COL27A1: variants seen among roughly 807,000 people sequenced by gnomAD.
COL27A1 encodes collagen alpha-1(XXVII) chain.
Under a neutral mutation model 251.3 loss-of-function variants are expected in COL27A1, and 106 were observed. The observed-to-expected ratio is 0.42, with a 90% CI of 0.36 to 0.50. The LOEUF (loss-of-function observed/expected upper bound fraction) is 0.50. Ranked by LOEUF, COL27A1 falls within the 20% of genes least tolerant of loss-of-function variation. The pLI is 0.00. For synonymous variants in COL27A1, 1,000 were observed against 986.3 expected (o/e 1.01, Z -0.26); for missense variants, 2,325 against 2,522.8 (o/e 0.92, Z 1.68).
intron 41 of COL27A1, among the ~76,000 whole-genome samples, chr9:114,287,437 G>A (rs963727123): frequency 9.2e-5 from 14 of 152,142 alleles, no homozygotes; most frequent in Admixed American, 5.9e-4. Flanking sequence ...GTCTACACCT[G>A]TCCTGTGGGT....
At chr9:114,186,148 C>T (rs548789482) in intron 5 of COL27A1, among the ~76,000 whole-genome samples, 10 of 152,362 alleles carry the variant, frequency 6.6e-5, no homozygotes, top group Non-Finnish European at 2.9e-5. Context: ...ACCCCATCTT[C>T]CTCCTCCAGA....
chr9:114,209,488 C>A (rs1374604579), intron 10 of COL27A1, 187 bp from the exon 11 acceptor site: 2 of 778,796 alleles, frequency 2.6e-6, no homozygotes, highest in South Asian at 2.7e-5. Flanking sequence ...CAGCACCATG[C>A]AGTCCATGGG....
At chr9:114,265,579 G>T (rs978180017) in intron 32 of COL27A1, 104 bp downstream of exon 32, 42 of 1,154,754 alleles carry the variant, frequency 3.6e-5, no homozygotes, top group East Asian at 2.0e-4. Flanking sequence ...ACCATGCCTG[G>T]CCTCTAACCC....
intron 4 of COL27A1, 145 bp downstream of exon 4, chr9:114,178,489 G>A (rs1827645372): frequency 2.7e-6 from 2 of 741,242 alleles, no homozygotes; most frequent in South Asian, 3.3e-5. Flanking sequence ...TCCATTTGGA[G>A]TGGACTTAGG....
At chr9:114,296,866 C>T (rs1384160754) in intron 49 of COL27A1, among the ~76,000 whole-genome samples, 1 of 152,110 alleles carries the variant, frequency 6.6e-6, no homozygotes, top group Non-Finnish European at 1.5e-5. Flanking sequence ...TACAATTCAT[C>T]AGTAAATGGA....
chr9:114,265,502 G>A (rs752143233), intron 32 of COL27A1, 27 bp downstream of exon 32: 1 of 1,611,128 alleles, frequency 6.2e-7, no homozygotes, highest in East Asian at 2.2e-5. Context: ...TCCCTCTTCT[G>A]CTTCTTTGCC....
At chr9:114,183,396 G>C (rs1355528904) in intron 5 of COL27A1, among the ~76,000 whole-genome samples, 2 of 152,230 alleles carry the variant, frequency 1.3e-5, no homozygotes, top group African/African-American at 4.8e-5. Context: ...AGGCTTACCG[G>C]GTTGTAAGAT....
intron 5 of COL27A1, among the ~76,000 whole-genome samples, chr9:114,188,762 G>A (rs1462015732): frequency 1.3e-5 from 2 of 152,150 alleles, no homozygotes; most frequent in Non-Finnish European, 2.9e-5. Context: ...GCTGCTGCTA[G>A]CATTAAAGGA....
chr9:114,264,362 G>A lies in COL27A1; in HGVS notation c.3203G>A (p.Arg1068Gln), dbSNP rs201952625. 11 of 1,596,326 alleles carry A rather than the reference G, an allele frequency of 6.9e-6. No individual in the cohort carries two copies. The highest frequency in any genetic ancestry group is 4.0e-5 in the African/African-American group (3 of 74,722). Reference sequence around the variant, plus strand: ...CCCTTTTTCCTATTCCAGGGCCCCCGAGGACCGGACGGACCAGCTGGGGAG... The same window carrying A: ...CCCTTTTTCCTATTCCAGGGCCCCCAAGGACCGGACGGACCAGCTGGGGAG... ...MRGAKGRRGP[R>Q]GPDGPAGEQG... Residue 1068 changes from arginine to glutamine, a missense_variant, in exon 29 of 61, where the codon CGA becomes CAA. Around this residue, in one of 4 missense-constraint regions of COL27A1, gnomAD observed 662 missense variants for 795.3 expected, o/e 0.83. Coordinates refer to ENST00000356083, the MANE Select transcript of COL27A1 (RefSeq NM_032888.4).
chr9:114,205,026 G>A lies in COL27A1; in HGVS notation c.2125-76G>A, dbSNP rs546415121. The A allele has an allele frequency of 9.8e-6, 14 of 1,432,768 alleles. No homozygotes were observed. In the East Asian group the frequency reaches 1.1e-4, roughly 12 times the overall value. 88.8% of individuals were successfully genotyped at this position (1,432,768 alleles called of 1,614,324 possible). On this transcript the variant is annotated intron_variant, in intron 7 of 60. Transcript: ENST00000356083. ...CATACGGTGCTGAACAGGGCAGGCCGGGAGGCTGGGCCCTTGCGATCTCCA... is the reference window on the plus strand; with the variant it reads ...CATACGGTGCTGAACAGGGCAGGCCAGGAGGCTGGGCCCTTGCGATCTCCA...
chr9:114,292,137 CT>C lies in COL27A1; in HGVS notation c.4512del (p.Gly1505AlafsTer62). 6.4e-7 allele frequency: 1 copy of C among 1,561,182 alleles called. No individual in the cohort carries two copies. Among genetic ancestry groups the C allele is most frequent in the Non-Finnish European group, 8.7e-7 (1 of 1,152,386 alleles). On this transcript the variant is annotated frameshift_variant, in exon 49 of 61. Coordinates refer to ENST00000356083, the MANE Select transcript of COL27A1 (RefSeq NM_032888.4). LOFTEE classifies it high-confidence loss of function. ...ESGLPGQLGPPGKRGTEGRTG... is the reference protein window; with the variant it reads ...ESGLPGQLGPXGKRGTEGRTG... The stretch of plus-strand genomic sequence containing the variant: ...GGGTTACCCGGACAGCTGGGTCCCC[CT>C]GGCAAGCGAGGAACAGAGGGCAGAA...
chr9:114,267,867 A>G (rs551530054), intron 34 of COL27A1, among the ~76,000 whole-genome samples: 1 of 152,320 alleles, frequency 6.6e-6, no homozygotes, highest in African/African-American at 2.4e-5. Context: ...GCTGAGAAAC[A>G]GGTGCCCATT....
chr9:114,265,123 A>G lies in COL27A1; in HGVS notation c.3339+13A>G, dbSNP rs771322568. 2 of 1,336,870 alleles carry G rather than the reference A, an allele frequency of 1.5e-6. No individual in the cohort carries two copies. The highest frequency in any genetic ancestry group is 2.0e-6 in the Non-Finnish European group (2 of 993,846). 82.8% of individuals were successfully genotyped at this position (1,336,870 alleles called of 1,614,324 possible). A position where few individuals can be genotyped will look rare whatever the true frequency, so the allele number is the denominator to read the frequency against. On this transcript the variant is annotated intron_variant, in intron 31 of 60. Coordinates refer to ENST00000356083, the MANE Select transcript of COL27A1 (RefSeq NM_032888.4). ...GAGAGGCTTTCCTGTAAGTAGCACC[A>G]GTTCTTGAAATTCTCTACATGGGGC...
rs142719544 is a variant in COL27A1, at chr9:114,290,739, C to G, written c.4369-71C>G. ...CAGCTTCACCCAGGGTTTGCCCAGG[C>G]GTTGAGCCATCTGCTTCCTTGGCTG... On this transcript the variant is annotated intron_variant, in intron 47 of 60. Transcript: ENST00000356083. This position sits in a 1 kb window ranked among gnomAD's most constrained non-coding sequence, Gnocchi z 4.6. 4.2e-6 allele frequency: 5 copies of G among 1,187,298 alleles called. No homozygotes were observed. Among genetic ancestry groups the G allele is most frequent in the Admixed American group, 2.4e-5 (1 of 41,434 alleles). The allele number at this position is 1,187,298 out of a possible 1,614,324, so 73.5% of individuals were successfully genotyped here.
At chr9:114,239,194 C>T (rs908734318) in intron 19 of COL27A1, among the ~76,000 whole-genome samples, 6 of 152,254 alleles carry the variant, frequency 3.9e-5, no homozygotes, top group South Asian at 2.1e-4. Context: ...TGAATTATCT[C>T]TCACTCATCA....
intron 2 of COL27A1, among the ~76,000 whole-genome samples, chr9:114,166,356 T>TATCC (rs1372044797): frequency 3.4e-5 from 1 of 29,230 alleles, no homozygotes; most frequent in South Asian, 1.3e-3. Flanking sequence ...TGCATCCATG[T>TATCC]ATCCATCCAT....
chr9:114,199,375 G>A (rs1003908650), intron 7 of COL27A1, among the ~76,000 whole-genome samples: 1 of 152,092 alleles, frequency 6.6e-6, no homozygotes, highest in Non-Finnish European at 1.5e-5. Flanking sequence ...CACAAAGTCA[G>A]TGTTGAGAAA....
intron 45 of COL27A1, 91 bp from the exon 46 acceptor site, chr9:114,289,967 G>T: frequency 1.4e-6 from 2 of 1,388,628 alleles, no homozygotes; most frequent in Non-Finnish European, 1.0e-6. Context: ...TCACCCAGGG[G>T]CCCACAATCC....
chr9:114,168,451 A>T lies in COL27A1; in HGVS notation c.896A>T (p.Lys299Met). Residue 299 changes from lysine to methionine, a missense_variant, in exon 3 of 61, where the codon AAG (lysine) becomes ATG (methionine). Physicochemically the swap from Lys to Met is moderately conservative, Grantham distance 95 (BLOSUM62 -1). Coordinates refer to ENST00000356083, the MANE Select transcript of COL27A1 (RefSeq NM_032888.4). Reference protein sequence around the residue: ...RGTVAPATPTKPQRTSPTNPH... With the variant: ...RGTVAPATPTMPQRTSPTNPH... ...ACTGTGGCACCCGCCACGCCCACCA[A>T]GCCCCAAAGGACTAGCCCCACAAAC... 6.2e-7 allele frequency: 1 copy of T among 1,613,880 alleles called. No individual in the cohort carries two copies. The highest frequency in any genetic ancestry group is 8.5e-7 in the Non-Finnish European group (1 of 1,179,920).
Sources: gnomAD v4.1 joint callset for allele counts (sites outside exome capture counted in the v4.1 genomes callset) on GRCh38, gnomAD v4.1.1 for gene constraint, gnomAD v4.1.1 regional missense constraint, Gnocchi (gnomAD v3.1) non-coding constraint, MANE v1.5 for transcripts, NCBI Gene and HGNC (gene_info 2026-07-23, HGNC 2026-07-21) for gene names.